GRAMD2A: variants seen among roughly 807,000 people sequenced by gnomAD.
GRAMD2A encodes the protein GRAM domain-containing protein 2A.
In GRAMD2A, 37 loss-of-function variants were observed where a neutral mutation model predicts 51.1. The observed-to-expected ratio is 0.72, with a 90% CI of 0.56 to 0.95. The LOEUF (loss-of-function observed/expected upper bound fraction) is 0.95, where lower values mean the gene tolerates loss of function less well. GRAMD2A is among the 40% of genes least tolerant of loss of function. The pLI is 0.00. For missense variants in GRAMD2A, 414 were observed against 426.9 expected (o/e 0.97, Z 0.27); for synonymous variants, 136 against 157.1 (o/e 0.87, Z 1.01).
rs2081596712 is a variant in GRAMD2A, at chr15:72,170,281, A to G, written c.42-342T>C. 2.0e-6 allele frequency: 1 copy of G among 499,766 alleles called. No individual in the cohort carries two copies. Among genetic ancestry groups the G allele is most frequent in the Non-Finnish European group, 3.9e-6 (1 of 256,100 alleles). 31.0% of individuals were successfully genotyped at this position (499,766 alleles called of 1,614,324 possible). On this transcript the variant is annotated intron_variant, in intron 1 of 11. Coordinates refer to ENST00000309731, the MANE Select transcript of GRAMD2A (RefSeq NM_001012642.3). The surrounding 1 kb of genome is among the most constrained non-coding windows in gnomAD (Gnocchi z 4.5). ...TCTAGCCCCACCCTTGAGGAGGCAC[A>G]CTGAGAGGGAGGACCCTGAGACTCG...
chr15:72,175,009 C>T (rs2081642188), intron 1 of GRAMD2A, among the ~76,000 whole-genome samples: 1 of 152,126 alleles, frequency 6.6e-6, no homozygotes, highest in Non-Finnish European at 1.5e-5. Context: ...TCACCCCCTG[C>T]CATCTAGACG....
chr15:72,162,337 G>A lies in GRAMD2A; in HGVS notation c.997C>T (p.Arg333Cys), dbSNP rs144563180. ...LVMSSSYLAF[R>C]ISRLEQQLCS... ...AACTGCTGCTCTAGCCGAGAAATAC[G>A]GAACGCCAGGTAGGATGAGGACATG... The change falls in exon 11 of 12, where the codon CGT (arginine) becomes TGT (cysteine). Residue 333 changes from arginine (R) to cysteine (C), a missense_variant. Transcript: ENST00000309731. 5.4e-5 allele frequency: 87 copies of A among 1,613,958 alleles called. No homozygotes were observed. Among genetic ancestry groups the A allele is most frequent in the Middle Eastern group, 1.6e-4 (1 of 6,084 alleles).
Position 72,166,667 on chromosome 15 carries a change from A to G in GRAMD2A, c.508T>C (p.Tyr170His). 6.2e-7 allele frequency: 1 copy of G among 1,613,904 alleles called. No homozygotes were observed. The highest frequency in any genetic ancestry group is 8.5e-7 in the Non-Finnish European group (1 of 1,179,942). ...FVSLLSRDSV[Y>H]DLLRRVCTHL... ...GTGCAGACTCTCCTCAGCAGGTCAT[A>G]TACACTGTCCCGGGAGAGCAGTGAC... Residue 170 changes from tyrosine to histidine, a missense_variant, in exon 7 of 12, where the codon TAT (tyrosine) becomes CAT (histidine). Physicochemically the swap from Tyr to His is moderately conservative, Grantham distance 83. Coordinates refer to ENST00000309731, the MANE Select transcript of GRAMD2A (RefSeq NM_001012642.3). This position sits in a 1 kb window ranked among gnomAD's most constrained non-coding sequence, Gnocchi z 4.1.
At chr15:72,193,429 G>C (rs1177203998) in intron 1 of GRAMD2A, among the ~76,000 whole-genome samples, 1 of 151,776 alleles carries the variant, frequency 6.6e-6, no homozygotes, top group Non-Finnish European at 1.5e-5. Context: ...TGTTGGCCAG[G>C]CTGGCCTCAA....
At chr15:72,185,385 G>C (rs556267372) in intron 1 of GRAMD2A, among the ~76,000 whole-genome samples, 1 of 152,090 alleles carries the variant, frequency 6.6e-6, no homozygotes, top group African/African-American at 2.4e-5. Context: ...ATAGAGACAG[G>C]ATTTCACCAT....
At chr15:72,193,465 G>T (rs1201949743) in intron 1 of GRAMD2A, among the ~76,000 whole-genome samples, 1 of 151,474 alleles carries the variant, frequency 6.6e-6, no homozygotes, top group South Asian at 2.1e-4. Flanking sequence ...CGATCCACCC[G>T]CCTCAGCCCC....
intron 1 of GRAMD2A, among the ~76,000 whole-genome samples, chr15:72,177,439 C>T (rs968320845): frequency 6.6e-6 from 1 of 152,238 alleles, no homozygotes; most frequent in Non-Finnish European, 1.5e-5. Flanking sequence ...ATCCTGACTT[C>T]CAGCACCACA....
At chr15:72,168,815 A>G in intron 3 of GRAMD2A, 124 bp downstream of exon 3, 1 of 882,882 alleles carries the variant, frequency 1.1e-6, no homozygotes, top group African/African-American at 1.6e-5. Flanking sequence ...AGGAAGGGAT[A>G]CACACTCAGG....
chr15:72,178,251 A>G (rs1195398502), intron 1 of GRAMD2A, among the ~76,000 whole-genome samples: 1 of 152,172 alleles, frequency 6.6e-6, no homozygotes, highest in East Asian at 1.9e-4. Flanking sequence ...CCCACTGTCA[A>G]TAAGCTTTCC....
chr15:72,171,119 G>A (rs1223250826), intron 1 of GRAMD2A, among the ~76,000 whole-genome samples: 2 of 152,172 alleles, frequency 1.3e-5, no homozygotes, highest in African/African-American at 4.8e-5. Context: ...CCCAGCCATG[G>A]CCATGTGGCC....
rs1036559596 is a variant in GRAMD2A, at chr15:72,161,916, A to G, written c.*93T>C. ...TTTCCTTCATAGGCAGTCTTAGCACAGCAGCAGCATAAACCACAGGGATCA... is the reference window on the plus strand; with the variant it reads ...TTTCCTTCATAGGCAGTCTTAGCACGGCAGCAGCATAAACCACAGGGATCA... On this transcript the variant is annotated 3_prime_UTR_variant, in exon 12 of 12. Transcript: ENST00000309731. 28 of 1,342,268 alleles carry G rather than the reference A, an allele frequency of 2.1e-5. No individual in the cohort carries two copies. The South Asian group carries it at 3.2e-4, about 15-fold the overall frequency. 83.1% of individuals were successfully genotyped at this position (1,342,268 alleles called of 1,614,324 possible). A position where few individuals can be genotyped will look rare whatever the true frequency, so the allele number is the denominator to read the frequency against.
chr15:72,188,633 T>C (rs1485884600), intron 1 of GRAMD2A, among the ~76,000 whole-genome samples: 1 of 152,184 alleles, frequency 6.6e-6, no homozygotes, highest in South Asian at 2.1e-4. Context: ...TTGGGATTTT[T>C]ACATGTTTTT....
At chr15:72,168,385 G>T (rs2081571437) in intron 4 of GRAMD2A, 106 bp downstream of exon 4, 2 of 806,206 alleles carry the variant, frequency 2.5e-6, no homozygotes, top group South Asian at 1.4e-5. Flanking sequence ...ACATCTAAAG[G>T]ACAGCCAGTT....
At chr15:72,163,583 G>A in intron 9 of GRAMD2A, 30 bp downstream of exon 9, 3 of 1,589,780 alleles carry the variant, frequency 1.9e-6, no homozygotes, top group South Asian at 1.1e-5. Flanking sequence ...TTTGCAAGTA[G>A]TTGCCATGGA....
rs202001840 is a variant in GRAMD2A, at chr15:72,163,398, G to C, written c.824C>G (p.Pro275Arg). ...WPMPGWGPAC[P>R]KKMPNCSPTA... ...GGGAGAGCAGTTCGGCATCTTCTTA[G>C]GGCAGGCAGGACCCCAGCCTGGCAT... is the stretch of plus-strand genomic sequence containing the variant. Residue 275 changes from proline (P) to arginine (R), a missense_variant, in exon 10 of 12, where the codon CCT (proline) becomes CGT (arginine). Coordinates refer to ENST00000309731, the MANE Select transcript of GRAMD2A (RefSeq NM_001012642.3). 26 of 1,614,100 alleles carry C rather than the reference G, an allele frequency of 1.6e-5. No homozygotes were observed. In the African/African-American group the frequency reaches 2.8e-4, roughly 17 times the overall value.
At chr15:72,177,363 C>T (rs911150228) in intron 1 of GRAMD2A, among the ~76,000 whole-genome samples, 1 of 152,140 alleles carries the variant, frequency 6.6e-6, no homozygotes, top group African/African-American at 2.4e-5. Flanking sequence ...GGAACCAGGC[C>T]CCCAGAACTA....
intron 1 of GRAMD2A, among the ~76,000 whole-genome samples, chr15:72,177,377 G>A (rs1251300325): frequency 6.6e-6 from 1 of 152,128 alleles, no homozygotes; most frequent in Non-Finnish European, 1.5e-5. Flanking sequence ...AGAACTACCC[G>A]CTGCTTCCTC....
chr15:72,193,262 C>G (rs1282449913), intron 1 of GRAMD2A, among the ~76,000 whole-genome samples: 1 of 151,078 alleles, frequency 6.6e-6, no homozygotes, highest in Non-Finnish European at 1.5e-5. Flanking sequence ...GTTGCCCAGG[C>G]TGGAGTGCAA....
chr15:72,196,905 T>C (rs2140564593), intron 1 of GRAMD2A, among the ~76,000 whole-genome samples: 1 of 152,306 alleles, frequency 6.6e-6, no homozygotes, highest in East Asian at 1.9e-4. Context: ...ACATTCATCC[T>C]ACCTGCCCCA....
Sources: gnomAD v4.1 joint callset for allele counts (sites outside exome capture counted in the v4.1 genomes callset) on GRCh38, gnomAD v4.1.1 for gene constraint, Gnocchi (gnomAD v3.1) non-coding constraint, MANE v1.5 for transcripts, NCBI Gene and HGNC (gene_info 2026-07-23, HGNC 2026-07-21) for gene names.